Variants in CCDC148 observed in about 807,000 individuals in gnomAD.
The protein encoded by CCDC148 is coiled-coil domain-containing protein 148.
Under a neutral mutation model 85.7 loss-of-function variants are expected in CCDC148, and 89 were observed. The ratio of observed to expected loss-of-function variants is 1.04; its 90% confidence interval spans 0.87 to 1.24. CCDC148 has a LOEUF of 1.24. Ranked by LOEUF, CCDC148 falls within the 50% of genes most tolerant of loss-of-function variation. The probability of loss-of-function intolerance (pLI) is 0.00; values close to 1 mark genes in which losing one functional copy is unlikely to be tolerated. For missense variants in CCDC148, 692 were observed against 671.7 expected (o/e 1.03, Z -0.33); for synonymous variants, 230 against 213.9 (o/e 1.08, Z -0.66).
At chr2:158,424,932 T>A (rs1387050826) in intron 1 of CCDC148, 24 of 287,718 alleles carry the variant, frequency 8.3e-5, no homozygotes, top group Non-Finnish European at 1.4e-4. Flanking sequence ...CAGATTATTA[T>A]CAAATTGGTT....
chr2:158,342,097 T>G (rs1223833742), intron 3 of CCDC148, among the ~76,000 whole-genome samples: 2 of 145,028 alleles, frequency 1.4e-5, no homozygotes. Flanking sequence ...TGGCGTGATC[T>G]CGACTCATTG....
At chr2:158,297,047 T>C (rs533992430) in intron 9 of CCDC148, among the ~76,000 whole-genome samples, 2 of 152,290 alleles carry the variant, frequency 1.3e-5, no homozygotes, top group East Asian at 3.9e-4. Context: ...AAGCCGATAA[T>C]GCAAGAAATT....
Position 158,393,931 on chromosome 2 carries a change from A to G in CCDC148, c.26-35361T>C, listed in dbSNP as rs148383214. 2.0e-5 allele frequency among the ~76,000 whole-genome samples: 3 copies of G among 152,242 alleles called. No individual in the cohort carries two copies. In the East Asian group the frequency reaches 5.8e-4, roughly 29 times the overall value. On this transcript the variant is annotated intron_variant, in intron 1 of 13. Transcript: ENST00000283233. ...GACAAATGGAATAATTATATAACAA[A>G]TTTGATTTTAAAGGATGTGATTGTC...
At chr2:158,285,827 C>T (rs145936568) in intron 9 of CCDC148, among the ~76,000 whole-genome samples, 93 of 152,114 alleles carry the variant, frequency 6.1e-4, no homozygotes, top group African/African-American at 2.0e-3. Context: ...TGAGCCACCG[C>T]GCCCAGCCAA....
At chr2:158,417,127 C>T (rs1378420414) in intron 1 of CCDC148, among the ~76,000 whole-genome samples, 1 of 152,186 alleles carries the variant, frequency 6.6e-6, no homozygotes. Context: ...TTACTTTTTA[C>T]CAGTTCCCTC....
At chr2:158,298,875 TTATC>T (rs1559053165) in intron 9 of CCDC148, among the ~76,000 whole-genome samples, 2 of 152,208 alleles carry the variant, frequency 1.3e-5, no homozygotes, top group African/African-American at 4.8e-5. Flanking sequence ...CTTTCCTTGA[TTATC>T]TATCTGATTT....
At chr2:158,203,240 A>C (rs1686060406) in intron 11 of CCDC148, among the ~76,000 whole-genome samples, 1 of 152,182 alleles carries the variant, frequency 6.6e-6, no homozygotes, top group Non-Finnish European at 1.5e-5. Context: ...GATCAATCTC[A>C]TGTTTATCTG....
intron 9 of CCDC148, among the ~76,000 whole-genome samples, chr2:158,292,178 A>C (rs947791418): frequency 2.6e-5 from 4 of 152,196 alleles, no homozygotes; most frequent in South Asian, 2.1e-4. Context: ...TGAAACATTT[A>C]TTATAATAAA....
chr2:158,396,692 A>T (rs1362156269), intron 1 of CCDC148, among the ~76,000 whole-genome samples: 1 of 152,108 alleles, frequency 6.6e-6, no homozygotes, highest in East Asian at 1.9e-4. Context: ...TCACAGGGTC[A>T]TTGGAAGGTT....
rs551619498 is a variant in CCDC148 at position 158,357,005 on chromosome 2, C to G, written c.147+1444G>C. Among the ~76,000 whole-genome samples, 5 of 149,892 alleles carry G rather than the reference C, an allele frequency of 3.3e-5. No homozygotes were observed. In the East Asian group the frequency reaches 7.9e-4, roughly 24 times the overall value. ...AACAAAAAACCAAACACTGCATATTCTCACTCATAGGTGGGAACTGAACAA... is the reference window on the plus strand; with the variant it reads ...AACAAAAAACCAAACACTGCATATTGTCACTCATAGGTGGGAACTGAACAA... On this transcript the variant is annotated intron_variant, in intron 2 of 13. Transcript: ENST00000283233.
At chr2:158,377,401 T>C (rs1204454090) in intron 1 of CCDC148, among the ~76,000 whole-genome samples, 1 of 150,178 alleles carries the variant, frequency 6.7e-6, no homozygotes, top group East Asian at 2.0e-4. Flanking sequence ...TAATGGTCAG[T>C]AACATGAAAT....
intron 1 of CCDC148, among the ~76,000 whole-genome samples, chr2:158,433,185 A>T (rs1687452056): frequency 6.9e-6 from 1 of 143,892 alleles, no homozygotes; most frequent in African/African-American, 2.5e-5. Context: ...GTTCAGGCCT[A>T]GGAAGTCAAG....
chr2:158,201,127 G>C (rs1211001417), intron 11 of CCDC148, among the ~76,000 whole-genome samples: 1 of 151,956 alleles, frequency 6.6e-6, no homozygotes, highest in East Asian at 1.9e-4. Flanking sequence ...TTTCTAGAGA[G>C]AGAAAAATTT....
At chr2:158,212,109 A>G (rs1686610664) in intron 11 of CCDC148, among the ~76,000 whole-genome samples, 1 of 152,182 alleles carries the variant, frequency 6.6e-6, no homozygotes, top group Non-Finnish European at 1.5e-5. Context: ...TTTCTAATAT[A>G]CATATAAAAT....
intron 1 of CCDC148, among the ~76,000 whole-genome samples, chr2:158,433,074 C>CAAAAAA (rs755383954): frequency 2.4e-3 from 181 of 73,986 alleles, no homozygotes; most frequent in Non-Finnish European, 2.5e-3. Context: ...CTCATCTCTA[C>CAAAAAA]AAAAAAAAAA....
Position 158,445,976 on chromosome 2 carries a change from T to C in CCDC148, c.25+10439A>G, listed in dbSNP as rs569720174. On this transcript the variant is annotated intron_variant, in intron 1 of 13. Coordinates refer to ENST00000283233, the MANE Select transcript of CCDC148 (RefSeq NM_138803.4). ...CCCCCATACTTGGCTTTAATGAATA[T>C]AGTCATTAAAATAGACACTGGAAAA... Among the ~76,000 whole-genome samples the C allele has an allele frequency of 1.7e-3, 257 of 152,266 alleles. 1 individual carries two copies. The highest frequency in any genetic ancestry group is 6.0e-3 in the African/African-American group (250 of 41,552).
chr2:158,266,007 C>G (rs1689435842), intron 9 of CCDC148, among the ~76,000 whole-genome samples: 1 of 152,160 alleles, frequency 6.6e-6, no homozygotes. Flanking sequence ...GCATTCATCT[C>G]TTTCCTAGAC....
At chr2:158,399,343 T>C (rs749002434) in intron 1 of CCDC148, among the ~76,000 whole-genome samples, 1 of 152,080 alleles carries the variant, frequency 6.6e-6, no homozygotes, top group African/African-American at 2.4e-5. Flanking sequence ...ATTAGGCCAA[T>C]ATACCTGATG....
chr2:158,284,019 C>T (rs1468320135), intron 9 of CCDC148, among the ~76,000 whole-genome samples: 3 of 148,814 alleles, frequency 2.0e-5, no homozygotes, highest in South Asian at 2.2e-4. Flanking sequence ...AGTAAACTAT[C>T]GTAAGAACAA....
Sources: gnomAD v4.1 joint callset for allele counts (sites outside exome capture counted in the v4.1 genomes callset) on GRCh38, gnomAD v4.1.1 for gene constraint, MANE v1.5 for transcripts, NCBI Gene and HGNC (gene_info 2026-07-23, HGNC 2026-07-21) for gene names.